PCDHGA7: variants seen among roughly 807,000 people sequenced by gnomAD.
The protein encoded by PCDHGA7 is protocadherin gamma-A7.
Under a neutral mutation model 58.3 loss-of-function variants are expected in PCDHGA7, and 44 were observed. The ratio of observed to expected loss-of-function variants is 0.75; its 90% CI spans 0.59 to 0.97. The LOEUF (loss-of-function observed/expected upper bound fraction) is 0.97, where lower values mean the gene tolerates loss of function less well. Ranked by LOEUF, PCDHGA7 falls within the 50% of genes least tolerant of loss-of-function variation. The pLI, the probability that PCDHGA7 is intolerant of heterozygous loss-of-function variation, is 0.00. For missense variants in PCDHGA7, 1,266 were observed against 1,188.7 expected (o/e 1.06, Z -0.96); for synonymous variants, 516 against 504.2 (o/e 1.02, Z -0.31).
Position 141,383,530 on chromosome 5 carries a change from G to A in PCDHGA7, c.631G>A (p.Val211Ile). 1 of 1,612,674 alleles carries A rather than the reference G, an allele frequency of 6.2e-7. No homozygotes were observed. Among genetic ancestry groups the A allele is most frequent in the Non-Finnish European group, 8.5e-7 (1 of 1,179,398 alleles). ...GGAGGAAGAGCGGGTTCACCACCTG[G>A]TCCTCACAGCCTCTGATGGCGGCGA... ...DREEERVHHL[V>I]LTASDGGDPP... Residue 211 changes from valine (V) to isoleucine (I), a missense_variant, in exon 1 of 4, where the codon GTC becomes ATC. Coordinates refer to ENST00000518325, the MANE Select transcript of PCDHGA7 (RefSeq NM_018920.4).
rs1210691847 is a variant in PCDHGA7, at chr5:141,432,985, C to T, written c.2424+47662C>T. The stretch of plus-strand genomic sequence containing the variant: ...GAGCGCCGGCGTCGCACTTTGTGGG[C>T]GTGGACGGGGTGCAGGCTTTCCTGC... On this transcript the variant is annotated intron_variant, in intron 1 of 3. Transcript: ENST00000518325. The surrounding 1 kb of genome is among the most constrained non-coding windows in gnomAD (Gnocchi z 6.0). The T allele has an allele frequency of 3.1e-6, 5 of 1,614,176 alleles. No individual in the cohort carries two copies. The highest frequency in any genetic ancestry group is 4.2e-6 in the Non-Finnish European group (5 of 1,180,034).
intron 1 of PCDHGA7, chr5:141,427,456 G>C (rs1172525843): frequency 2.0e-6 from 1 of 492,524 alleles, no homozygotes; most frequent in African/African-American, 1.9e-5. Flanking sequence ...GTTCCTTTTA[G>C]AATCGAATCT....
chr5:141,439,364 G>A (rs1561894836), intron 1 of PCDHGA7, among the ~76,000 whole-genome samples: 2 of 152,142 alleles, frequency 1.3e-5, no homozygotes, highest in Admixed American at 1.3e-4. Context: ...CAAACATCAA[G>A]AAGAAATAAA....
At chr5:141,414,223 G>C in intron 1 of PCDHGA7, 1 of 1,613,426 alleles carries the variant, frequency 6.2e-7, no homozygotes, top group Non-Finnish European at 8.5e-7. Flanking sequence ...CAACAGTCCA[G>C]AGCTGACCAT....
chr5:141,506,017 C>G (rs2099850061), intron 3 of PCDHGA7, among the ~76,000 whole-genome samples: 1 of 152,176 alleles, frequency 6.6e-6, no homozygotes, highest in Non-Finnish European at 1.5e-5. Flanking sequence ...TTTGCTGCCC[C>G]TAACTCCAGA....
At position 141,497,209 on chromosome 5, in the gene PCDHGA7, T is replaced by TG. The variant is rs11343387; in HGVS notation, c.2483+2353dup. On this transcript the variant is annotated intron_variant, in intron 2 of 3. Coordinates refer to ENST00000518325, the MANE Select transcript of PCDHGA7 (RefSeq NM_018920.4). ...GAGGCAGAGAACAATGTGAGTGTAA[T>TG]GGGGGGGGGAAGATCAGAGAAGGCT... Among the ~76,000 whole-genome samples the TG allele has an allele frequency of 1.3e-3, 196 of 151,342 alleles. 1 individual carries two copies. The South Asian group carries it at 0.02, about 15-fold the overall frequency.
intron 1 of PCDHGA7, chr5:141,440,945 A>T (rs1210278728): frequency 2.6e-5 from 4 of 152,234 alleles, no homozygotes; most frequent in African/African-American, 9.7e-5. Flanking sequence ...CCAGGACTAG[A>T]GTGTCAAGGC....
rs1778529404 is a variant in PCDHGA7, at chr5:141,382,887, A to T, written c.-13A>T. The stretch of plus-strand genomic sequence containing the variant: ...CCCGAGATCGGCGCCTAAGCAAGAG[A>T]AGCAGGACGACTATGGCGGCTCAGC... On this transcript the variant is annotated 5_prime_UTR_variant, in exon 1 of 4. Transcript: ENST00000518325. The T allele has an allele frequency of 6.5e-7, 1 of 1,530,424 alleles. No homozygotes were observed. Among genetic ancestry groups the T allele is most frequent in the Non-Finnish European group, 8.8e-7 (1 of 1,140,788 alleles). 94.8% of individuals were successfully genotyped at this position (1,530,424 alleles called of 1,614,324 possible). A position where few individuals can be genotyped will look rare whatever the true frequency, so the allele number is the denominator to read the frequency against.
chr5:141,422,188 C>T, intron 1 of PCDHGA7: 1 of 1,561,742 alleles, frequency 6.4e-7, no homozygotes. Context: ...GATGGAAATT[C>T]AAGGCCAAGA....
intron 2 of PCDHGA7, 166 bp from the exon 3 acceptor site, chr5:141,505,227 T>C: frequency 1.2e-6 from 1 of 840,112 alleles, no homozygotes; most frequent in Non-Finnish European, 1.4e-6. Context: ...TGTGGGATTC[T>C]GGCTTCTGAA....
At chr5:141,503,598 CAAAAAAA>C (rs765754054) in intron 2 of PCDHGA7, among the ~76,000 whole-genome samples, 8 of 65,766 alleles carry the variant, frequency 1.2e-4, no homozygotes, top group South Asian at 1.1e-3. Context: ...GACTCCAGCT[CAAAAAAA>C]AAAAAAAAAG....
intron 1 of PCDHGA7, chr5:141,388,598 T>C: frequency 1.2e-6 from 2 of 1,613,920 alleles, no homozygotes; most frequent in Non-Finnish European, 1.7e-6. Context: ...CCAATGATAA[T>C]GCTCCAGTGT....
At chr5:141,505,238 G>A (rs1254100882) in intron 2 of PCDHGA7, 155 bp from the exon 3 acceptor site, 2 of 890,422 alleles carry the variant, frequency 2.2e-6, no homozygotes, top group South Asian at 5.2e-5. Context: ...GGCTTCTGAA[G>A]GATTGTAGAA....
Position 141,490,004 on chromosome 5 carries a change from C to T in PCDHGA7, c.2425-4803C>T. On this transcript the variant is annotated intron_variant, in intron 1 of 3. Coordinates refer to ENST00000518325, the MANE Select transcript of PCDHGA7 (RefSeq NM_018920.4). This position sits in a 1 kb window ranked among gnomAD's most constrained non-coding sequence, Gnocchi z 5.4. ...CTACGTGTGGGAATCCCAGAGAATG[C>T]ACCCATTGGTACTCTGCTGCTCCGC... The T allele has an allele frequency of 1.9e-6, 3 of 1,614,174 alleles. No individual in the cohort carries two copies. Among genetic ancestry groups the T allele is most frequent in the Non-Finnish European group, 2.5e-6 (3 of 1,179,980 alleles).
At position 141,485,430 on chromosome 5, in the gene PCDHGA7, T is replaced by C; in HGVS notation, c.2425-9377T>C. The C allele has an allele frequency of 6.2e-7, 1 of 1,614,138 alleles. No individual in the cohort carries two copies. Among genetic ancestry groups the C allele is most frequent in the Non-Finnish European group, 8.5e-7 (1 of 1,180,022 alleles). On this transcript the variant is annotated intron_variant, in intron 1 of 3. Transcript: ENST00000518325. The surrounding 1 kb of genome is among the most constrained non-coding windows in gnomAD (Gnocchi z 5.7). ...GATTTGGACAGCGGAGCCCTGCTCA[T>C]CAAGAACCCAATCGACCGAGAGGCA... is the stretch of plus-strand genomic sequence containing the variant.
At chr5:141,427,712 C>CCTGG (rs1319672065) in intron 1 of PCDHGA7, 7 of 1,051,350 alleles carry the variant, frequency 6.7e-6, no homozygotes, top group Non-Finnish European at 1.0e-5. Context: ...GCGCCTCTGA[C>CCTGG]CTGGACCTAG....
In PCDHGA7 at chr5:141,383,110, A is replaced by G. The variant is rs754398892; in HGVS notation, c.211A>G (p.Arg71Gly). ...CGGAGTCCGCATCATCTCCAGAGGT[A>G]GGACGCAGCTTTTCGCCCTGAACCA... is the stretch of plus-strand genomic sequence containing the variant. ...ERGVRIISRG[R>G]TQLFALNQRS... The change falls in exon 1 of 4, where the codon AGG (arginine) becomes GGG (glycine). Residue 71 changes from arginine (R) to glycine (G), a missense_variant. Transcript: ENST00000518325. The G allele has an allele frequency of 1.9e-6, 3 of 1,614,020 alleles. No homozygotes were observed. Among genetic ancestry groups the G allele is most frequent in the South Asian group, 1.1e-5 (1 of 91,084 alleles).
At chr5:141,403,178 T>G in intron 1 of PCDHGA7, 3 of 1,613,980 alleles carry the variant, frequency 1.9e-6, no homozygotes, top group Non-Finnish European at 2.5e-6. Context: ...GCAGCTTTTC[T>G]CTCTGAACCC....
chr5:141,410,435 G>C (rs772158163), intron 1 of PCDHGA7: 5 of 1,614,054 alleles, frequency 3.1e-6, no homozygotes, highest in Non-Finnish European at 4.2e-6. Flanking sequence ...CAACTACAGT[G>C]AGGGGACTTT....
Sources: gnomAD v4.1 joint callset for allele counts (sites outside exome capture counted in the v4.1 genomes callset) on GRCh38, gnomAD v4.1.1 for gene constraint, Gnocchi (gnomAD v3.1) non-coding constraint, MANE v1.5 for transcripts, NCBI Gene and HGNC (gene_info 2026-07-23, HGNC 2026-07-21) for gene names.